NPR3: variants seen among roughly 807,000 people sequenced by gnomAD.
NPR3 encodes natriuretic peptide receptor 3.
NPR3 carries 34 observed loss-of-function variants against 54.5 expected under a neutral mutation model. The ratio of observed to expected loss-of-function variants is 0.62; its 90% CI spans 0.47 to 0.83. The LOEUF (loss-of-function observed/expected upper bound fraction) is 0.83. Among genes scored for constraint, NPR3 ranks in the 40% least tolerant of loss-of-function variants. The pLI, the probability that NPR3 is intolerant of heterozygous loss-of-function variation, is 0.00. For missense variants in NPR3, 674 were observed against 720.8 expected (o/e 0.94, Z 0.74); for synonymous variants, 289 against 297.1 (o/e 0.97, Z 0.28).
At chr5:32,706,204 C>T (rs889705773), upstream of NPR3, among the ~76,000 whole-genome samples, 2 of 152,208 alleles carry the variant, frequency 1.3e-5, no homozygotes, top group African/African-American at 4.8e-5. Flanking sequence ...TCGCCTTCTG[C>T]CATTCTTGTA....
chr5:32,732,649 G>T (rs1165853336), intron 2 of NPR3, among the ~76,000 whole-genome samples: 1 of 152,100 alleles, frequency 6.6e-6, no homozygotes, highest in African/African-American at 2.4e-5. Flanking sequence ...TGGGCAGAGT[G>T]ACCTAGACCA....
chr5:32,738,779 C>A, intron 2 of NPR3, 85 bp from the exon 3 acceptor site: 2 of 1,214,622 alleles, frequency 1.6e-6, no homozygotes, highest in Non-Finnish European at 1.2e-6. Context: ...AAGTAACATG[C>A]GGGGGCGCCT....
chr5:32,719,532 A>G lies in NPR3; in HGVS notation c.770-5166A>G, dbSNP rs893699430. Among the ~76,000 whole-genome samples the G allele has an allele frequency of 4.6e-5, 7 of 152,292 alleles. 1 individual carries two copies. Among genetic ancestry groups the G allele is most frequent in the Admixed American group, 4.6e-4 (7 of 15,292 alleles). On this transcript the variant is annotated intron_variant, in intron 1 of 7. Transcript: ENST00000265074. ...AAGCTGGAATCAGTTTGGATTCTGA[A>G]CTTATAGTTCATTGCTTTGCTTTCC...
intron 1 of NPR3, among the ~76,000 whole-genome samples, chr5:32,697,870 G>T (rs1473535389): frequency 6.6e-6 from 1 of 151,658 alleles, no homozygotes; most frequent in African/African-American, 2.4e-5. Flanking sequence ...ATTTATTCAG[G>T]TATTCTCTTT....
At chr5:32,733,394 T>C (rs1202316004) in intron 2 of NPR3, among the ~76,000 whole-genome samples, 1 of 152,178 alleles carries the variant, frequency 6.6e-6, no homozygotes, top group Non-Finnish European at 1.5e-5. Context: ...TAATATATAT[T>C]GCCCCATAGA....
At chr5:32,720,275 T>C (rs1290814504) in intron 1 of NPR3, among the ~76,000 whole-genome samples, 2 of 152,176 alleles carry the variant, frequency 1.3e-5, no homozygotes, top group Admixed American at 6.5e-5. Flanking sequence ...TCACTTCTTT[T>C]CCTCTTGTTG....
At chr5:32,741,157 G>A (rs934445486) in intron 3 of NPR3, among the ~76,000 whole-genome samples, 4 of 152,018 alleles carry the variant, frequency 2.6e-5, no homozygotes, top group Non-Finnish European at 4.4e-5. Flanking sequence ...GGTGGCTGAC[G>A]TCTGTAATCC....
chr5:32,694,368 C>G (rs1251887187), intron 1 of NPR3, among the ~76,000 whole-genome samples: 1 of 152,174 alleles, frequency 6.6e-6, no homozygotes, highest in African/African-American at 2.4e-5. Flanking sequence ...TTTGTTGATT[C>G]CATAAGCATT....
chr5:32,712,613 T>C (rs1243338132), intron 1 of NPR3, 68 bp downstream of exon 1: 1 of 1,417,514 alleles, frequency 7.1e-7, no homozygotes. Context: ...CCCTGCACAC[T>C]CGTCCACTCT....
At chr5:32,745,422 G>A (rs1285799622) in intron 3 of NPR3, among the ~76,000 whole-genome samples, 1 of 152,178 alleles carries the variant, frequency 6.6e-6, no homozygotes, top group Non-Finnish European at 1.5e-5. Context: ...CATCTTAATG[G>A]TGGTGCTTGG....
At chr5:32,698,057 G>A (rs554733564) in intron 1 of NPR3, among the ~76,000 whole-genome samples, 2 of 151,278 alleles carry the variant, frequency 1.3e-5, no homozygotes, top group Non-Finnish European at 1.5e-5. Context: ...TCCTTTTCTA[G>A]TTCTTTAAGA....
chr5:32,771,414 C>A (rs1741753775), intron 3 of NPR3, among the ~76,000 whole-genome samples: 1 of 152,190 alleles, frequency 6.6e-6, no homozygotes, highest in Non-Finnish European at 1.5e-5. Flanking sequence ...CAGGGCCCGT[C>A]TATTTCCTTC....
chr5:32,728,861 A>G (rs1018693724), intron 2 of NPR3, among the ~76,000 whole-genome samples: 16 of 134,076 alleles, frequency 1.2e-4, no homozygotes, highest in African/African-American at 4.6e-4. Context: ...ATATATATAT[A>G]TATATATATA....
At chr5:32,744,516 C>T (rs1009511877) in intron 3 of NPR3, among the ~76,000 whole-genome samples, 3 of 152,156 alleles carry the variant, frequency 2.0e-5, no homozygotes, top group Admixed American at 2.0e-4. Context: ...AAATAATATT[C>T]ACCACAATGC....
At chr5:32,723,174 A>T (rs1561085060) in intron 1 of NPR3, among the ~76,000 whole-genome samples, 2 of 152,214 alleles carry the variant, frequency 1.3e-5, no homozygotes, top group South Asian at 4.1e-4. Flanking sequence ...ATGCATCGTG[A>T]TAATGCGGTT....
chr5:32,765,952 A>G (rs926318528), intron 3 of NPR3, among the ~76,000 whole-genome samples: 2 of 152,144 alleles, frequency 1.3e-5, no homozygotes, highest in African/African-American at 4.8e-5. Flanking sequence ...GAGGAGGAAA[A>G]GTTACCAGAG....
intron 3 of NPR3, among the ~76,000 whole-genome samples, chr5:32,773,645 A>G (rs1741887318): frequency 6.6e-6 from 1 of 152,142 alleles, no homozygotes; most frequent in Non-Finnish European, 1.5e-5. Flanking sequence ...ACTGCTGTTA[A>G]GCCCCTCTTG....
At chr5:32,766,879 C>T (rs972573725) in intron 3 of NPR3, among the ~76,000 whole-genome samples, 1 of 152,230 alleles carries the variant, frequency 6.6e-6, no homozygotes, top group Non-Finnish European at 1.5e-5. Context: ...TCCTGATTCA[C>T]TTGACCTGAG....
intron 1 of NPR3, among the ~76,000 whole-genome samples, chr5:32,693,994 C>T (rs1290081142): frequency 1.3e-5 from 2 of 152,196 alleles, no homozygotes; most frequent in Non-Finnish European, 1.5e-5. Context: ...TTTCTTTTCT[C>T]GTTGCCTCTG....
Sources: gnomAD v4.1 joint callset for allele counts (sites outside exome capture counted in the v4.1 genomes callset) on GRCh38, gnomAD v4.1.1 for gene constraint, MANE v1.5 for transcripts, NCBI Gene and HGNC (gene_info 2026-07-23, HGNC 2026-07-21) for gene names.